Variants in CYYR1 observed in about 807,000 individuals in gnomAD.
CYYR1 encodes the protein cysteine and tyrosine rich 1, also known as cysteine and tyrosine-rich protein 1.
In CYYR1, 14 loss-of-function variants were observed where a neutral mutation model predicts 15.2. The observed-to-expected ratio is 0.92, with a 90% CI of 0.61 to 1.44. CYYR1 has a LOEUF of 1.44. Among genes scored for constraint, CYYR1 ranks in the 40% most tolerant of loss-of-function variants. CYYR1 has a pLI of 0.00. For missense variants in CYYR1, 228 were observed against 209.5 expected (o/e 1.09, Z -0.54); for synonymous variants, 80 against 77.4 (o/e 1.03, Z -0.18).
chr21:26,548,365 A>G (rs1601818869), intron 2 of CYYR1, among the ~76,000 whole-genome samples: 1 of 152,202 alleles, frequency 6.6e-6, no homozygotes, highest in East Asian at 1.9e-4. Context: ...ATTATTTTTA[A>G]GAGACAGGGT....
intron 2 of CYYR1, among the ~76,000 whole-genome samples, chr21:26,498,164 A>C (rs2830260): frequency 0.39 from 59,910 of 152,020 alleles, 12,134 homozygotes; most frequent in South Asian, 0.45. Flanking sequence ...AATGATCTAG[A>C]AGGTGTCATA....
chr21:26,573,127 G>C lies in CYYR1; in HGVS notation c.-187C>G. Reference sequence around the variant, plus strand: ...GCGCGTCCCGGGCCAGCGACTGCGGGACTCCGCGGAGCTGGGGCGCCCGTG... The same window carrying C: ...GCGCGTCCCGGGCCAGCGACTGCGGCACTCCGCGGAGCTGGGGCGCCCGTG... On this transcript the variant is annotated 5_prime_UTR_variant, in exon 1 of 4. Transcript: ENST00000652641. 6.7e-7 allele frequency: 1 copy of C among 1,503,482 alleles called. No homozygotes were observed. The highest frequency in any genetic ancestry group is 8.8e-7 in the Non-Finnish European group (1 of 1,131,646). The allele number at this position is 1,503,482 out of a possible 1,614,324, so 93.1% of individuals were successfully genotyped here.
chr21:26,477,802 C>T, intron 3 of CYYR1: 2 of 983,914 alleles, frequency 2.0e-6, no homozygotes, highest in Non-Finnish European at 2.4e-6. Flanking sequence ...TATGGTTTGA[C>T]CAAGGGAAAA....
intron 1 of CYYR1, 45 bp downstream of exon 1, chr21:26,572,823 G>A: frequency 6.2e-7 from 1 of 1,607,610 alleles, no homozygotes; most frequent in South Asian, 1.1e-5. Context: ...TGACCCAAGG[G>A]CAGCCCCGAG....
intron 2 of CYYR1, among the ~76,000 whole-genome samples, chr21:26,513,007 T>C (rs1007551110): frequency 6.6e-5 from 10 of 152,182 alleles, no homozygotes; most frequent in Admixed American, 5.2e-4. Context: ...GCCCACCTAC[T>C]ACATATTCTT....
In CYYR1 at chr21:26,536,036, G is replaced by A. The variant is rs985220631; in HGVS notation, c.176+30230C>T. Among the ~76,000 whole-genome samples the A allele has an allele frequency of 5.3e-5, 8 of 152,254 alleles. No individual in the cohort carries two copies. In the East Asian group the frequency reaches 5.8e-4, roughly 11 times the overall value. On this transcript the variant is annotated intron_variant, in intron 2 of 3. Coordinates refer to ENST00000652641, the MANE Select transcript of CYYR1 (RefSeq NM_001320768.2). ...ACAAGAAGCATGGCTGGGAGGCTTC[G>A]AGACGCTTACAACCATGGTGAAAGG...
intron 2 of CYYR1, among the ~76,000 whole-genome samples, chr21:26,502,065 A>T (rs868065094): frequency 1.3e-5 from 2 of 152,348 alleles, no homozygotes; most frequent in South Asian, 2.1e-4. Flanking sequence ...TCATTTTTAC[A>T]TCCTAAAATA....
intron 2 of CYYR1, chr21:26,564,716 G>A (rs1260689324): frequency 1.7e-6 from 2 of 1,206,454 alleles, no homozygotes; most frequent in Admixed American, 4.9e-5. Flanking sequence ...CCATGATATA[G>A]TTAGTGAATC....
chr21:26,571,134 G>C (rs1429541654), intron 1 of CYYR1, among the ~76,000 whole-genome samples: 1 of 152,178 alleles, frequency 6.6e-6, no homozygotes, highest in Non-Finnish European at 1.5e-5. Context: ...GTAGTTCCCA[G>C]AGAAGACTGA....
intron 2 of CYYR1, among the ~76,000 whole-genome samples, chr21:26,483,088 T>TA (rs1293909744): frequency 6.6e-5 from 10 of 152,058 alleles, no homozygotes; most frequent in African/African-American, 2.4e-4. Context: ...AAATCCTTTT[T>TA]AAAAAACTAC....
intron 2 of CYYR1, among the ~76,000 whole-genome samples, chr21:26,534,447 G>C (rs1194877279): frequency 6.6e-6 from 1 of 152,078 alleles, no homozygotes; most frequent in Non-Finnish European, 1.5e-5. Context: ...AGTCATCAGG[G>C]AGGCTGATGC....
At chr21:26,489,512 A>G (rs377028174) in intron 2 of CYYR1, among the ~76,000 whole-genome samples, 175 of 152,158 alleles carry the variant, frequency 1.2e-3, no homozygotes, top group African/African-American at 4.1e-3. Context: ...TAAAAAAATC[A>G]AACACGATTT....
chr21:26,559,908 C>G (rs1980081760), intron 2 of CYYR1, among the ~76,000 whole-genome samples: 1 of 152,092 alleles, frequency 6.6e-6, no homozygotes, highest in Middle Eastern at 3.2e-3. Context: ...TTTCATAACT[C>G]TCTTCTCTTC....
intron 2 of CYYR1, among the ~76,000 whole-genome samples, chr21:26,512,207 A>AT (rs959716967): frequency 2.4e-4 from 35 of 144,388 alleles, no homozygotes; most frequent in African/African-American, 6.4e-4. Context: ...TTTTTTATTT[A>AT]TTTTTTTTTG....
chr21:26,544,647 C>T (rs919774869), intron 2 of CYYR1, among the ~76,000 whole-genome samples: 3 of 151,960 alleles, frequency 2.0e-5, no homozygotes, highest in Non-Finnish European at 4.4e-5. Context: ...TGAAGAAACA[C>T]GGATCGATGA....
chr21:26,561,264 C>A (rs1490168986), intron 2 of CYYR1, among the ~76,000 whole-genome samples: 1 of 150,954 alleles, frequency 6.6e-6, no homozygotes, highest in Non-Finnish European at 1.5e-5. Context: ...TCCTAGAGGT[C>A]TTTTCATATC....
chr21:26,468,505 T>A lies in CYYR1; in HGVS notation c.464A>T (p.Lys155Ile). The A allele has an allele frequency of 6.4e-7, 1 of 1,553,220 alleles. No homozygotes were observed. The highest frequency in any genetic ancestry group is 8.9e-7 in the Non-Finnish European group (1 of 1,124,490). ...PPPPYPGNAR[K>I] is the part of the protein sequence containing the mutation. ...TGTTCTGTTCTGGGAGATAGATTAT[T>A]TCCTTGCGTTTCCAGGATAAGGAGG... The change falls in exon 4 of 4, where the codon AAA (lysine) becomes ATA (isoleucine). Residue 155 changes from lysine (K) to isoleucine (I), a missense_variant. By Grantham distance (102) the Lys-to-Ile change is moderately radical. Transcript: ENST00000652641.
intron 1 of CYYR1, among the ~76,000 whole-genome samples, chr21:26,569,668 C>T (rs1236310142): frequency 6.6e-6 from 1 of 152,160 alleles, no homozygotes; most frequent in Non-Finnish European, 1.5e-5. Flanking sequence ...CCCACTATTC[C>T]GTCAGAGTAG....
At chr21:26,545,305 C>A (rs1377522122) in intron 2 of CYYR1, among the ~76,000 whole-genome samples, 1 of 50,082 alleles carries the variant, frequency 2.0e-5, no homozygotes, top group East Asian at 5.0e-4. Context: ...ATTCACGTGG[C>A]TGACTTAAGT....
Sources: allele counts gnomAD v4.1 joint callset (sites outside exome capture counted in the v4.1 genomes callset), GRCh38; gene constraint gnomAD v4.1.1; transcripts MANE v1.5; gene names NCBI Gene and HGNC (gene_info 2026-07-23, HGNC 2026-07-21).